The following ATG2B variants were observed in gnomAD, a reference collection of about 807,000 sequenced individuals.
ATG2B encodes the protein autophagy related 2B.
Under a neutral mutation model 241.3 loss-of-function variants are expected in ATG2B, and 121 were observed. The ratio of observed to expected loss-of-function variants is 0.50; its 90% CI spans 0.43 to 0.58. The LOEUF is 0.58. Ranked by LOEUF, ATG2B falls within the 20% of genes least tolerant of loss-of-function variation. ATG2B has a pLI of 0.00. For missense variants in ATG2B, 2,306 were observed against 2,491.6 expected (o/e 0.93, Z 1.59); for synonymous variants, 858 against 876.6 (o/e 0.98, Z 0.37).
At chr14:96,358,197 G>C (rs923476915) in intron 1 of ATG2B, among the ~76,000 whole-genome samples, 1 of 152,138 alleles carries the variant, frequency 6.6e-6, no homozygotes, top group Non-Finnish European at 1.5e-5. Flanking sequence ...AAACTGGGGG[G>C]GGCTGAGGTG....
chr14:96,345,919 G>A (rs901921965), intron 2 of ATG2B, among the ~76,000 whole-genome samples: 3 of 152,072 alleles, frequency 2.0e-5, no homozygotes, highest in African/African-American at 4.8e-5. Context: ...TTGGCCTGCA[G>A]GTTATAGTTT....
rs1887013305 is a variant in ATG2B at position 96,308,219 on chromosome 14, A to AATATATATATACATATATATAT, written c.4303+1212_4303+1233dup. On this transcript the variant is annotated intron_variant, in intron 29 of 41. Transcript: ENST00000359933. The stretch of plus-strand genomic sequence containing the variant: ...ATATACATATATATATAAATACATA[A>AATATATATATACATATATATAT]ATATATATATACATATATATATATA... 5.4e-5 allele frequency among the ~76,000 whole-genome samples: 4 copies of AATATATATATACATATATATAT among 74,038 alleles called. No homozygotes were observed. The South Asian group carries it at 1.6e-3, about 30-fold the overall frequency. 48.6% of individuals were successfully genotyped at this position (74,038 alleles called of 152,430 possible). A position where few individuals can be genotyped will look rare whatever the true frequency, so the allele number is the denominator to read the frequency against.
chr14:96,348,705 T>C (rs1888236280), intron 1 of ATG2B, among the ~76,000 whole-genome samples: 1 of 151,522 alleles, frequency 6.6e-6, no homozygotes, highest in Admixed American at 6.6e-5. Flanking sequence ...TAGTAATTAA[T>C]AGTACAACAA....
chr14:96,313,567 G>A, intron 23 of ATG2B, 132 bp from the exon 24 acceptor site: 126 of 495,190 alleles, frequency 2.5e-4, no homozygotes, highest in South Asian at 8.5e-4. Context: ...AACGGTAAAA[G>A]GAAAAAAATC....
intron 12 of ATG2B, among the ~76,000 whole-genome samples, 186 bp downstream of exon 12, chr14:96,329,298 T>A (rs957091491): frequency 6.6e-6 from 1 of 152,180 alleles, no homozygotes; most frequent in Non-Finnish European, 1.5e-5. Flanking sequence ...TTCTAACAGA[T>A]CCTTATAACG....
At chr14:96,357,278 T>C (rs1888502171) in intron 1 of ATG2B, among the ~76,000 whole-genome samples, 1 of 152,214 alleles carries the variant, frequency 6.6e-6, no homozygotes. Flanking sequence ...ATTTAAAATG[T>C]TGGAGTTCAT....
intron 23 of ATG2B, 39 bp from the exon 24 acceptor site, chr14:96,313,474 A>C (rs546484999): frequency 2.0e-5 from 22 of 1,120,932 alleles, no homozygotes; most frequent in Non-Finnish European, 2.8e-5. Context: ...GCTTTAGAAG[A>C]AAAAAAAGGT....
chr14:96,340,468 C>T (rs1347644958), intron 6 of ATG2B, among the ~76,000 whole-genome samples: 2 of 152,010 alleles, frequency 1.3e-5, no homozygotes, highest in Non-Finnish European at 1.5e-5. Flanking sequence ...AACGCATGTT[C>T]TCACTCATAG....
At chr14:96,334,948 C>G (rs1194789072) in intron 6 of ATG2B, among the ~76,000 whole-genome samples, 1 of 152,194 alleles carries the variant, frequency 6.6e-6, no homozygotes, top group Non-Finnish European at 1.5e-5. Flanking sequence ...TCTAGCAGAG[C>G]ATGTAAGGAC....
At chr14:96,341,783 G>T in intron 5 of ATG2B, 82 bp from the exon 6 acceptor site, 1 of 1,093,858 alleles carries the variant, frequency 9.1e-7, no homozygotes, top group Non-Finnish European at 1.2e-6. Flanking sequence ...GTCAACTTAA[G>T]AAGAATAAAA....
chr14:96,332,742 C>G, intron 8 of ATG2B, 87 bp from the exon 9 acceptor site: 1 of 1,106,192 alleles, frequency 9.0e-7, no homozygotes, highest in Non-Finnish European at 1.2e-6. Flanking sequence ...ATACAATCCT[C>G]TTCCTTCAGA....
At position 96,291,638 on chromosome 14, in the gene ATG2B, G is replaced by A. The variant is rs138033057; in HGVS notation, c.5541C>T (p.Cys1847=). The A allele has an allele frequency of 5.6e-6, 9 of 1,609,244 alleles. No homozygotes were observed. In the African/African-American group the frequency reaches 9.3e-5, roughly 17 times the overall value. ...AAAGCCTCTTGAGCTTTAGTTCAGA[G>A]CAGTTTAACTGAGCCAGACCAATCA... ...GILIGLAQLN[C]SELKLKRLSY... Residue 1847 remains cysteine (C), a synonymous_variant, in exon 38 of 42, where the codon TGC becomes TGT. Transcript: ENST00000359933.
intron 18 of ATG2B, 92 bp from the exon 19 acceptor site, chr14:96,317,947 C>A: frequency 3.1e-6 from 3 of 982,852 alleles, no homozygotes; most frequent in Non-Finnish European, 4.3e-6. Flanking sequence ...ATCGTATGAA[C>A]AATAATTTTT....
In ATG2B at chr14:96,281,021, T is replaced by A. The variant is rs1417685783; in HGVS notation, c.*4734A>T. On this transcript the variant is annotated 3_prime_UTR_variant, in exon 42 of 42. Coordinates refer to ENST00000359933, the MANE Select transcript of ATG2B (RefSeq NM_018036.7). ...TTGCTGCAAGTCCTTATTGCAGGGA[T>A]AGGATAACTAATAGAGGGACTAAAA... The A allele has an allele frequency of 6.6e-6, 1 of 152,200 alleles. No homozygotes were observed. The highest frequency in any genetic ancestry group is 2.1e-4 in the South Asian group (1 of 4,832). 9.4% of individuals were successfully genotyped at this position (152,200 alleles called of 1,614,324 possible).
intron 34 of ATG2B, among the ~76,000 whole-genome samples, chr14:96,297,616 C>G (rs1886680105): frequency 6.6e-6 from 1 of 152,060 alleles, no homozygotes; most frequent in Non-Finnish European, 1.5e-5. Context: ...CAGGCTGAGT[C>G]TCGAACCCCT....
At chr14:96,357,715 C>T (rs1183312147) in intron 1 of ATG2B, among the ~76,000 whole-genome samples, 1 of 151,066 alleles carries the variant, frequency 6.6e-6, no homozygotes, top group Non-Finnish European at 1.5e-5. Context: ...TTGACACATT[C>T]CATTAAAAAA....
At chr14:96,338,413 G>A (rs1418175159) in intron 6 of ATG2B, among the ~76,000 whole-genome samples, 1 of 152,100 alleles carries the variant, frequency 6.6e-6, no homozygotes, top group Admixed American at 6.6e-5. Flanking sequence ...TATGATGTTG[G>A]TTGTAAGTTT....
At chr14:96,286,505 GAAC>G (rs1028848049) in intron 41 of ATG2B, among the ~76,000 whole-genome samples, 5 of 152,216 alleles carry the variant, frequency 3.3e-5, no homozygotes, top group African/African-American at 7.2e-5. Flanking sequence ...AGAATTCTGA[GAAC>G]AAAAAGCAGG....
At chr14:96,309,165 A>G (rs1887081899) in intron 29 of ATG2B, among the ~76,000 whole-genome samples, 1 of 152,212 alleles carries the variant, frequency 6.6e-6, no homozygotes, top group African/African-American at 2.4e-5. Context: ...TACATCATTT[A>G]TCAATCAGTC....
Sources: allele counts gnomAD v4.1 joint callset (sites outside exome capture counted in the v4.1 genomes callset), GRCh38; gene constraint gnomAD v4.1.1; transcripts MANE v1.5; gene names NCBI Gene and HGNC (gene_info 2026-07-23, HGNC 2026-07-21).